ZKSCAN4: variants seen among roughly 807,000 people sequenced by gnomAD.
ZKSCAN4 encodes the protein zinc finger with KRAB and SCAN domains 4, also known as zinc finger protein with KRAB and SCAN domains 4.
A neutral mutation model predicts 30.8 loss-of-function variants in ZKSCAN4; 23 were observed. The ratio of observed to expected loss-of-function variants is 0.75; its 90% CI spans 0.54 to 1.06. The LOEUF (loss-of-function observed/expected upper bound fraction) is 1.06, where lower values mean the gene tolerates loss of function less well. Among genes scored for constraint, ZKSCAN4 ranks in the 50% least tolerant of loss-of-function variants. ZKSCAN4 has a pLI of 0.00. For synonymous variants in ZKSCAN4, 208 were observed against 252.5 expected, an observed-to-expected ratio of 0.82 and a Z score of 1.67; for missense variants, 556 against 665.4, an observed-to-expected ratio of 0.84 and a Z score of 1.81.
At chr6:28,258,872 G>GAACAA in the ZKSCAN4 span, among the ~76,000 whole-genome samples, 1 of 152,072 alleles carries the variant, frequency 6.6e-6, no homozygotes, top group Non-Finnish European at 1.5e-5. Flanking sequence ...GTGGTAACAA[G>GAACAA]GGGGGTTGGG....
chr6:28,258,439 CTG>C, the ZKSCAN4 span, among the ~76,000 whole-genome samples: 2 of 152,106 alleles, frequency 1.3e-5, no homozygotes, highest in African/African-American at 2.4e-5. Context: ...TGGGATGCTT[CTG>C]TGTGTTTCTA....
chr6:28,251,824 G>A lies in ZKSCAN4; in HGVS notation c.157C>T (p.Arg53Cys). 6.2e-7 allele frequency: 1 copy of A among 1,611,710 alleles called. No individual in the cohort carries two copies. The highest frequency in any genetic ancestry group is 8.5e-7 in the Non-Finnish European group (1 of 1,178,504). ...TAGCGGAAGCCTCGGAAGCGCTGGC[G>A]GGAGCGTTCGGGGCCCCGAGCAGGG... ...CSPARGPERS[R>C]QRFRGFRYPE... Residue 53 changes from arginine to cysteine, a missense_variant, in exon 1 of 5, where the codon CGC becomes TGC. Coordinates refer to ENST00000377294, the MANE Select transcript of ZKSCAN4 (RefSeq NM_019110.5). The surrounding 1 kb of genome is among the most constrained non-coding windows in gnomAD (Gnocchi z 4.5).
Position 28,245,528 on chromosome 6 carries a change from C to T in ZKSCAN4, c.1226G>A (p.Cys409Tyr). Residue 409 changes from cysteine to tyrosine, a missense_variant, in exon 5 of 5, where the codon TGT (cysteine) becomes TAT (tyrosine). Physicochemically the swap from Cys to Tyr is radical, Grantham distance 194 (BLOSUM62 -2). Coordinates refer to ENST00000377294, the MANE Select transcript of ZKSCAN4 (RefSeq NM_019110.5). Reference protein sequence around the residue: ...TGEKPYECDDCGKTFSQSCSL... With the variant: ...TGEKPYECDDYGKTFSQSCSL... ...GCAGCTCTGGCTGAAGGTCTTCCCA[C>T]AGTCATCACACTCATAGGGCTTCTC... 5 of 1,614,200 alleles carry T rather than the reference C, an allele frequency of 3.1e-6. No homozygotes were observed. The highest frequency in any genetic ancestry group is 4.2e-6 in the Non-Finnish European group (5 of 1,180,038).
the ZKSCAN4 span, among the ~76,000 whole-genome samples, chr6:28,257,959 A>T: frequency 2.6e-5 from 4 of 152,172 alleles, no homozygotes; most frequent in African/African-American, 9.7e-5. Context: ...TACTTACACA[A>T]ACTCTATAGT....
intron 4 of ZKSCAN4, among the ~76,000 whole-genome samples, chr6:28,246,625 C>T (rs1308467029): frequency 6.6e-6 from 1 of 152,100 alleles, no homozygotes; most frequent in Non-Finnish European, 1.5e-5. Context: ...CGTTCTGAAT[C>T]CATGGCCCAT....
chr6:28,256,074 A>G (rs180874664), upstream of ZKSCAN4, among the ~76,000 whole-genome samples: 2 of 152,352 alleles, frequency 1.3e-5, no homozygotes, highest in Middle Eastern at 3.4e-3. Context: ...TAGTGAATCT[A>G]GGTAAATGAT....
intron 4 of ZKSCAN4, among the ~76,000 whole-genome samples, chr6:28,246,655 C>A (rs1375194655): frequency 6.6e-6 from 1 of 152,142 alleles, no homozygotes; most frequent in East Asian, 1.9e-4. Flanking sequence ...AGGCCCCCCC[C>A]TCCCCGCAGC....
rs1760984349 is a variant in ZKSCAN4 at position 28,251,370 on chromosome 6, GTTTC to G, written c.423+184_423+187del. On this transcript the variant is annotated intron_variant, in intron 1 of 4. Coordinates refer to ENST00000377294, the MANE Select transcript of ZKSCAN4 (RefSeq NM_019110.5). This position sits in a 1 kb window ranked among gnomAD's most constrained non-coding sequence, Gnocchi z 4.5. ...TTGTGTTCTTTTGTAATCCTTTATA[GTTTC>G]TTTATATATTTAAAAATATAATTCT... is the stretch of plus-strand genomic sequence containing the variant. The G allele has an allele frequency of 2.3e-6, 2 of 873,566 alleles. No individual in the cohort carries two copies. The highest frequency in any genetic ancestry group is 2.5e-5 in the Admixed American group (1 of 39,818). The allele number at this position is 873,566 out of a possible 1,614,324, so 54.1% of individuals were successfully genotyped here. A position where few individuals can be genotyped will look rare whatever the true frequency, so the allele number is the denominator to read the frequency against.
chr6:28,252,931 T>C (rs1761071686), upstream of ZKSCAN4, among the ~76,000 whole-genome samples: 1 of 152,094 alleles, frequency 6.6e-6, no homozygotes, highest in African/African-American at 2.4e-5. Context: ...TCCTGTTTCT[T>C]CCCAGCCCCC....
chr6:28,251,427 C>G lies in ZKSCAN4; in HGVS notation c.423+131G>C, dbSNP rs757994009. On this transcript the variant is annotated intron_variant, in intron 1 of 4. Coordinates refer to ENST00000377294, the MANE Select transcript of ZKSCAN4 (RefSeq NM_019110.5). The surrounding 1 kb of genome is among the most constrained non-coding windows in gnomAD (Gnocchi z 4.5). ...GAAGGAGTCCAGGGACTTCACCTTA[C>G]TGCCAAGGAGGTTCACAGTACAAAA... 3.9e-5 allele frequency: 58 copies of G among 1,485,964 alleles called. No individual in the cohort carries two copies. The highest frequency in any genetic ancestry group is 5.1e-5 in the Non-Finnish European group (55 of 1,084,286). 92.0% of individuals were successfully genotyped at this position (1,485,964 alleles called of 1,614,324 possible).
intron 2 of ZKSCAN4, among the ~76,000 whole-genome samples, chr6:28,248,954 G>A (rs937547936): frequency 2.0e-5 from 3 of 152,148 alleles, no homozygotes; most frequent in African/African-American, 7.2e-5. Flanking sequence ...CTCAGAAGCA[G>A]AAGAAACCTT....
At chr6:28,252,476 G>A (rs1288505037), upstream of ZKSCAN4, among the ~76,000 whole-genome samples, 1 of 152,114 alleles carries the variant, frequency 6.6e-6, no homozygotes, top group Non-Finnish European at 1.5e-5. Context: ...GAAGGATGCC[G>A]CTGCGGCTCA....
rs1760656563 is a variant in ZKSCAN4 at position 28,245,289 on chromosome 6, A to ATT, written c.1463_1464dup (p.Cys489AsnfsTer51). The ATT allele has an allele frequency of 6.2e-7, 1 of 1,613,744 alleles. No individual in the cohort carries two copies. The highest frequency in any genetic ancestry group is 1.3e-5 in the African/African-American group (1 of 74,764). On this transcript the variant is annotated frameshift_variant, in exon 5 of 5. Coordinates refer to ENST00000377294, the MANE Select transcript of ZKSCAN4 (RefSeq NM_019110.5). LOFTEE classifies it high-confidence loss of function. ...GTGAAACTTCTCTCACACTCATTAC[A>ATT]TTTATAAGACACGGGAGCCTCAGTA...
intron 3 of ZKSCAN4, 82 bp from the exon 4 acceptor site, chr6:28,247,174 G>A: frequency 2.1e-6 from 3 of 1,430,408 alleles, no homozygotes; most frequent in South Asian, 1.7e-5. Context: ...CTTTAAAGAG[G>A]CTCTTTAAAA....
In ZKSCAN4 at chr6:28,243,664, CTTTTT is replaced by C. The variant is rs565023255; in HGVS notation, c.*1447_*1451del. Among the ~76,000 whole-genome samples the C allele has an allele frequency of 4.8e-5, 7 of 144,584 alleles. No individual in the cohort carries two copies. The highest frequency in any genetic ancestry group is 7.8e-5 in the African/African-American group (3 of 38,438). 94.9% of individuals were successfully genotyped at this position (144,584 alleles called of 152,430 possible). On this transcript the variant is annotated 3_prime_UTR_variant, in exon 5 of 5. Coordinates refer to ENST00000377294, the MANE Select transcript of ZKSCAN4 (RefSeq NM_019110.5). ...CTTCTGAACAGACACATTTTCTTTT[CTTTTT>C]TTTTTTTCTTTTTGAGACAGAGTCT...
chr6:28,251,278 G>A lies in ZKSCAN4; in HGVS notation c.423+280C>T, dbSNP rs951933112. 1.3e-5 allele frequency among the ~76,000 whole-genome samples: 2 copies of A among 152,178 alleles called. No individual in the cohort carries two copies. The highest frequency in any genetic ancestry group is 2.4e-5 in the African/African-American group (1 of 41,436). On this transcript the variant is annotated intron_variant, in intron 1 of 4. Transcript: ENST00000377294. This position sits in a 1 kb window ranked among gnomAD's most constrained non-coding sequence, Gnocchi z 4.5. Reference sequence around the variant, plus strand: ...TCCCTAGGTCTTATTATTTAGTGCAGTAATAAAAATCCACATATATGACTT... The same window carrying A: ...TCCCTAGGTCTTATTATTTAGTGCAATAATAAAAATCCACATATATGACTT...
chr6:28,254,506 G>A (rs1404231785), upstream of ZKSCAN4, among the ~76,000 whole-genome samples: 1 of 152,180 alleles, frequency 6.6e-6, no homozygotes, highest in African/African-American at 2.4e-5. Flanking sequence ...AATTTGGTCA[G>A]GTGTTGGAGC....
At chr6:28,256,994 G>A (rs1761198957), upstream of ZKSCAN4, among the ~76,000 whole-genome samples, 1 of 152,150 alleles carries the variant, frequency 6.6e-6, no homozygotes, top group South Asian at 2.1e-4. Flanking sequence ...CTTACATATT[G>A]TCTATGGCTA....
upstream of ZKSCAN4, among the ~76,000 whole-genome samples, chr6:28,255,837 T>C (rs1221197313): frequency 6.6e-6 from 1 of 151,882 alleles, no homozygotes; most frequent in Non-Finnish European, 1.5e-5. Flanking sequence ...GGTAGTTGGA[T>C]AAGGGAAAGG....
Sources: gnomAD v4.1 joint callset for allele counts (sites outside exome capture counted in the v4.1 genomes callset) on GRCh38, gnomAD v4.1.1 for gene constraint, Gnocchi (gnomAD v3.1) non-coding constraint, MANE v1.5 for transcripts, NCBI Gene and HGNC (gene_info 2026-07-23, HGNC 2026-07-21) for gene names.